ARHGEF7: variants seen among roughly 807,000 people sequenced by gnomAD.
The protein encoded by ARHGEF7 is Rho guanine nucleotide exchange factor 7, also known as PAK-interacting exchange factor beta.
In ARHGEF7, 33 loss-of-function variants were observed where a neutral mutation model predicts 109.8. That is an observed-to-expected ratio of 0.30 (90% CI 0.23 to 0.40). The LOEUF (loss-of-function observed/expected upper bound fraction) is 0.40. ARHGEF7 is among the 10% of genes least tolerant of loss of function. The probability of loss-of-function intolerance (pLI) is 1.00; values close to 1 mark genes in which losing one functional copy is unlikely to be tolerated. For synonymous variants in ARHGEF7, 458 were observed against 424.6 expected (o/e 1.08, Z -0.97); for missense variants, 938 against 1,098.5 (o/e 0.85, Z 2.07).
intron 2 of ARHGEF7, among the ~76,000 whole-genome samples, chr13:111,180,685 T>C (rs1215292152): frequency 6.6e-6 from 1 of 152,176 alleles, no homozygotes; most frequent in African/African-American, 2.4e-5. Flanking sequence ...AATCCAGGTT[T>C]ATGGTGATTT....
rs1010747014 is a variant in ARHGEF7, at chr13:111,190,740, C to G, written c.253-14549C>G. Among the ~76,000 whole-genome samples the G allele has an allele frequency of 5.9e-5, 9 of 152,172 alleles. No individual in the cohort carries two copies. In the South Asian group the frequency reaches 1.4e-3, roughly 25 times the overall value. ...ATGTTAATGTTGGGACTTAGAAAGACTAAGGTGCAGGTGCCTGTCCAGTTG... is the reference window on the plus strand; with the variant it reads ...ATGTTAATGTTGGGACTTAGAAAGAGTAAGGTGCAGGTGCCTGTCCAGTTG... On this transcript the variant is annotated intron_variant, in intron 2 of 21. Transcript: ENST00000646102.
intron 1 of ARHGEF7, among the ~76,000 whole-genome samples, chr13:111,133,817 A>ATATAAAT (rs2074947679): frequency 9.1e-6 from 1 of 109,812 alleles, no homozygotes; most frequent in African/African-American, 3.5e-5. Flanking sequence ...ATATATATTT[A>ATATAAAT]TTATACTTTA....
At chr13:111,152,943 C>A (rs571888522) in intron 1 of ARHGEF7, among the ~76,000 whole-genome samples, 1 of 152,206 alleles carries the variant, frequency 6.6e-6, no homozygotes, top group African/African-American at 2.4e-5. Flanking sequence ...CTACCTTGGA[C>A]TAAAGCACTA....
intron 2 of ARHGEF7, among the ~76,000 whole-genome samples, chr13:111,204,006 C>T (rs2081477068): frequency 6.6e-6 from 1 of 152,158 alleles, no homozygotes; most frequent in Non-Finnish European, 1.5e-5. Flanking sequence ...GATTTTTAGT[C>T]TAGGGAGGCC....
chr13:111,234,305 C>T (rs1026124228), intron 6 of ARHGEF7, among the ~76,000 whole-genome samples: 11 of 152,310 alleles, frequency 7.2e-5, no homozygotes, highest in Admixed American at 2.6e-4. Context: ...GCTGTGCCAC[C>T]GTCTTGTGCT....
At chr13:111,256,741 T>C (rs1208150528) in intron 8 of ARHGEF7, among the ~76,000 whole-genome samples, 1 of 152,216 alleles carries the variant, frequency 6.6e-6, no homozygotes, top group Non-Finnish European at 1.5e-5. Context: ...TTTGCCGAGC[T>C]ACCTCTTCTG....
intron 1 of ARHGEF7, chr13:111,153,602 G>C: frequency 3.5e-6 from 4 of 1,145,586 alleles, no homozygotes; most frequent in Non-Finnish European, 3.2e-6. Context: ...GACGCTATCC[G>C]AAGACGTCCC....
Position 111,204,651 on chromosome 13 carries a change from TG to T in ARHGEF7, c.253-636del, listed in dbSNP as rs1474323719. Among the ~76,000 whole-genome samples the T allele has an allele frequency of 7.2e-5, 11 of 152,276 alleles. No homozygotes were observed. In the East Asian group the frequency reaches 7.8e-4, roughly 11 times the overall value. On this transcript the variant is annotated intron_variant, in intron 2 of 21. Transcript: ENST00000646102. ...AGTGGCAATGTGACCAGCTCCATCGTGGTCCCAGGGCTCTAGATAGCCCTGG... is the reference window on the plus strand; with the variant it reads ...AGTGGCAATGTGACCAGCTCCATCGTGTCCCAGGGCTCTAGATAGCCCTGG...
chr13:111,234,576 G>T (rs1362698782), intron 6 of ARHGEF7, among the ~76,000 whole-genome samples: 1 of 152,030 alleles, frequency 6.6e-6, no homozygotes, highest in African/African-American at 2.4e-5. Flanking sequence ...TTCATAATTT[G>T]ACATCTGTGC....
At chr13:111,166,200 T>G (rs1044790314) in intron 2 of ARHGEF7, among the ~76,000 whole-genome samples, 2 of 152,186 alleles carry the variant, frequency 1.3e-5, no homozygotes, top group African/African-American at 4.8e-5. Context: ...GCAAGGCTGA[T>G]TTTGGTCATT....
At chr13:111,133,872 A>G (rs1284809159) in intron 1 of ARHGEF7, among the ~76,000 whole-genome samples, 2 of 147,668 alleles carry the variant, frequency 1.4e-5, no homozygotes, top group Non-Finnish European at 3.0e-5. Flanking sequence ...TTACATATGT[A>G]TACATGTGCC....
intron 1 of ARHGEF7, among the ~76,000 whole-genome samples, chr13:111,151,771 T>A (rs2153371721): frequency 2.0e-5 from 3 of 152,236 alleles, no homozygotes; most frequent in African/African-American, 7.2e-5. Flanking sequence ...ATTTCAGCAC[T>A]ACGTTTGGGG....
At chr13:111,238,457 G>C (rs1251098543) in intron 6 of ARHGEF7, among the ~76,000 whole-genome samples, 1 of 152,192 alleles carries the variant, frequency 6.6e-6, no homozygotes, top group Non-Finnish European at 1.5e-5. Context: ...AGAGCATTGG[G>C]AACAGAAGGC....
intron 10 of ARHGEF7, among the ~76,000 whole-genome samples, chr13:111,274,386 T>A (rs2092357407): frequency 6.6e-6 from 1 of 152,198 alleles, no homozygotes; most frequent in Admixed American, 6.5e-5. Flanking sequence ...TTGGCAAACC[T>A]TTTCTATAAG....
chr13:111,292,340 C>G (rs2093315204), intron 19 of ARHGEF7, 46 bp downstream of exon 19: 1 of 1,606,386 alleles, frequency 6.2e-7, no homozygotes, highest in South Asian at 1.1e-5. Flanking sequence ...TAATGCACTT[C>G]TGAGCTTTTC....
At chr13:111,287,219 C>T (rs1362017622) in intron 17 of ARHGEF7, among the ~76,000 whole-genome samples, 1 of 152,190 alleles carries the variant, frequency 6.6e-6, no homozygotes, top group Admixed American at 6.5e-5. Flanking sequence ...AGTCCAGGTC[C>T]CTGACCACCA....
chr13:111,220,979 G>T (rs930338218), intron 5 of ARHGEF7, among the ~76,000 whole-genome samples: 1 of 149,862 alleles, frequency 6.7e-6, no homozygotes, highest in Non-Finnish European at 1.5e-5. Flanking sequence ...TAGATATATA[G>T]ATATGAAGGG....
At chr13:111,244,432 T>C (rs955386677) in intron 8 of ARHGEF7, 138 bp downstream of exon 8, 1 of 604,956 alleles carries the variant, frequency 1.7e-6, no homozygotes, top group African/African-American at 1.9e-5. Context: ...GTAAATCAGC[T>C]TTTACAGTAA....
chr13:111,156,645 G>A (rs2153383595), intron 2 of ARHGEF7, among the ~76,000 whole-genome samples: 1 of 152,344 alleles, frequency 6.6e-6, no homozygotes. Context: ...GAAGGACTTG[G>A]TCATCTCCCA....
Sources: allele counts gnomAD v4.1 joint callset (sites outside exome capture counted in the v4.1 genomes callset), GRCh38; gene constraint gnomAD v4.1.1; transcripts MANE v1.5; gene names NCBI Gene and HGNC (gene_info 2026-07-23, HGNC 2026-07-21).